ABCE1: variants seen among roughly 807,000 people sequenced by gnomAD.
ABCE1 encodes ATP-binding cassette sub-family E member 1.
ABCE1 carries 22 observed loss-of-function variants against 83.4 expected under a neutral mutation model. The observed-to-expected ratio is 0.26, with a 90% CI of 0.19 to 0.38. The LOEUF (loss-of-function observed/expected upper bound fraction) is 0.38, where lower values mean the gene tolerates loss of function less well. ABCE1 is among the 10% of genes least tolerant of loss of function. The probability of loss-of-function intolerance (pLI) is 1.00; values close to 1 mark genes in which losing one functional copy is unlikely to be tolerated. For missense variants in ABCE1, 330 were observed against 721.9 expected (o/e 0.46, Z 6.22); for synonymous variants, 204 against 233.7 (o/e 0.87, Z 1.16).
At chr4:145,120,238 CAT>C (rs1170498124) in intron 11 of ABCE1, 85 bp downstream of exon 11, 3 of 1,196,020 alleles carry the variant, frequency 2.5e-6, no homozygotes, top group African/African-American at 1.6e-5. Flanking sequence ...AAATTTGAAT[CAT>C]ATGTTATAGG....
chr4:145,107,441 T>C (rs1157883773), intron 3 of ABCE1, among the ~76,000 whole-genome samples: 1 of 152,158 alleles, frequency 6.6e-6, no homozygotes, highest in Non-Finnish European at 1.5e-5. Flanking sequence ...GACTTTTTTG[T>C]TGACTTGCCT....
chr4:145,118,273 T>TG (rs1749656831), intron 10 of ABCE1, among the ~76,000 whole-genome samples: 1 of 150,132 alleles, frequency 6.7e-6, no homozygotes, highest in Admixed American at 6.6e-5. Flanking sequence ...TTTTTAATCT[T>TG]GGAGGAATCT....
rs78990863 is a variant in ABCE1, at chr4:145,112,231, T to C, written c.711-8T>C. The C allele has an allele frequency of 1.3e-6, 2 of 1,532,108 alleles. No individual in the cohort carries two copies. The highest frequency in any genetic ancestry group is 2.3e-5 in the East Asian group (1 of 44,086). The allele number at this position is 1,532,108 out of a possible 1,614,324, so 94.9% of individuals were successfully genotyped here. Reference sequence around the variant, plus strand: ...CTTATATTTGCTTTTTTTTTTTTTTTTTCATAGTTTCATGTTTGATGAGCC... The same window carrying C: ...CTTATATTTGCTTTTTTTTTTTTTTCTTCATAGTTTCATGTTTGATGAGCC... On this transcript the variant is annotated splice_region_variant and splice_polypyrimidine_tract_variant and intron_variant, in intron 8 of 17. Transcript: ENST00000296577.
chr4:145,103,568 A>C (rs1013990508), intron 1 of ABCE1, among the ~76,000 whole-genome samples: 14 of 152,226 alleles, frequency 9.2e-5, no homozygotes, highest in Admixed American at 9.2e-4. Context: ...TCTCCTTTTA[A>C]TTTCATTGCT....
chr4:145,100,483 T>C (rs935674703), intron 1 of ABCE1, among the ~76,000 whole-genome samples: 1 of 152,284 alleles, frequency 6.6e-6, no homozygotes, highest in South Asian at 2.1e-4. Flanking sequence ...TTCATTATGC[T>C]CTTTCACTGA....
At chr4:145,112,105 T>G in intron 8 of ABCE1, 134 bp from the exon 9 acceptor site, 2 of 590,716 alleles carry the variant, frequency 3.4e-6, no homozygotes, top group South Asian at 5.7e-5. Context: ...ACAAGTAGAC[T>G]CTTCATTACT....
intron 11 of ABCE1, 43 bp downstream of exon 11, chr4:145,120,196 T>C: frequency 6.6e-7 from 1 of 1,516,202 alleles, no homozygotes; most frequent in South Asian, 1.2e-5. Context: ...TTCCTGTTTA[T>C]CTAGTAAATT....
chr4:145,123,640 A>C, intron 16 of ABCE1, 40 bp downstream of exon 16: 1 of 1,528,650 alleles, frequency 6.5e-7, no homozygotes, highest in Non-Finnish European at 8.9e-7. Context: ...AATTCATTTT[A>C]AATTTTCCAG....
Position 145,110,102 on chromosome 4 carries a change from G to A in ABCE1, c.406-1G>A. ...ATTCTGTATTTTTTTTTTTTTTTTA[G>A]GATCCTCCTGACTGGCAGGAGATTT... is the stretch of plus-strand genomic sequence containing the variant. On this transcript the variant is annotated splice_acceptor_variant, in intron 5 of 17. Coordinates refer to ENST00000296577, the MANE Select transcript of ABCE1 (RefSeq NM_002940.3). LOFTEE classifies it high-confidence loss of function. 1 of 1,524,900 alleles carries A rather than the reference G, an allele frequency of 6.6e-7. No homozygotes were observed. The highest frequency in any genetic ancestry group is 1.5e-5 in the African/African-American group (1 of 68,840). The allele number at this position is 1,524,900 out of a possible 1,614,324, so 94.5% of individuals were successfully genotyped here. A position where few individuals can be genotyped will look rare whatever the true frequency, so the allele number is the denominator to read the frequency against.
At chr4:145,109,016 A>G (rs1749388621) in intron 4 of ABCE1, 116 bp from the exon 5 acceptor site, 1 of 711,900 alleles carries the variant, frequency 1.4e-6, no homozygotes, top group African/African-American at 1.8e-5. Flanking sequence ...TATGTTTCTT[A>G]GCTTATTAAT....
At chr4:145,114,109 A>G (rs996926093) in intron 9 of ABCE1, among the ~76,000 whole-genome samples, 1 of 152,140 alleles carries the variant, frequency 6.6e-6, no homozygotes, top group African/African-American at 2.4e-5. Context: ...AACTTAGAAT[A>G]TCAGTGATAA....
intron 1 of ABCE1, among the ~76,000 whole-genome samples, chr4:145,103,907 GCACAC>G (rs1749223251): frequency 6.6e-6 from 1 of 151,670 alleles, no homozygotes; most frequent in South Asian, 2.1e-4. Flanking sequence ...GACCGCAGGC[GCACAC>G]CACCACATGT....
intron 16 of ABCE1, 79 bp from the exon 17 acceptor site, chr4:145,124,911 C>A: frequency 3.1e-6 from 3 of 976,440 alleles, no homozygotes; most frequent in Non-Finnish European, 3.2e-6. Context: ...AATAGTAATT[C>A]TTAATACCCT....
intron 9 of ABCE1, among the ~76,000 whole-genome samples, chr4:145,116,695 T>G (rs1749614533): frequency 6.6e-6 from 1 of 151,990 alleles, no homozygotes; most frequent in African/African-American, 2.4e-5. Context: ...ATATAGCCAC[T>G]TAAGCTTCAC....
At chr4:145,104,335 A>T in intron 1 of ABCE1, 51 bp from the exon 2 acceptor site, 1 of 785,050 alleles carries the variant, frequency 1.3e-6, no homozygotes, top group Non-Finnish European at 2.0e-6. Context: ...CATGTATGCA[A>T]ATTAGTTCCC....
intron 1 of ABCE1, among the ~76,000 whole-genome samples, chr4:145,101,579 A>G (rs1749157630): frequency 6.6e-6 from 1 of 152,104 alleles, no homozygotes; most frequent in Non-Finnish European, 1.5e-5. Flanking sequence ...GTGAGGGTAA[A>G]AGCAAAGAGA....
At chr4:145,114,895 C>T (rs1245774125) in intron 9 of ABCE1, among the ~76,000 whole-genome samples, 1 of 151,906 alleles carries the variant, frequency 6.6e-6, no homozygotes, top group African/African-American at 2.4e-5. Context: ...AAAAGTATAT[C>T]TCCATTCTGA....
chr4:145,117,623 G>A (rs1350705243), intron 10 of ABCE1, among the ~76,000 whole-genome samples: 1 of 151,716 alleles, frequency 6.6e-6, no homozygotes, highest in Non-Finnish European at 1.5e-5. Flanking sequence ...TTCTCCTGGG[G>A]ATGGGTAGAA....
chr4:145,103,321 T>A (rs1749205576), intron 1 of ABCE1, among the ~76,000 whole-genome samples: 1 of 152,224 alleles, frequency 6.6e-6, no homozygotes, highest in South Asian at 2.1e-4. Context: ...AAATGGATAA[T>A]CTTGGTTTCA....
Sources: allele counts gnomAD v4.1 joint callset (sites outside exome capture counted in the v4.1 genomes callset), GRCh38; gene constraint gnomAD v4.1.1; transcripts MANE v1.5; gene names NCBI Gene and HGNC (gene_info 2026-07-23, HGNC 2026-07-21).